Variants in ANO4 observed in about 807,000 individuals in gnomAD.
ANO4 encodes anoctamin 4, also known as anoctamin-4.
Under a neutral mutation model 141.9 loss-of-function variants are expected in ANO4, and 69 were observed. The ratio of observed to expected loss-of-function variants is 0.49; its 90% confidence interval spans 0.40 to 0.59. ANO4 has a LOEUF of 0.59. ANO4 is among the 20% of genes least tolerant of loss of function. The pLI is 0.00. For missense variants in ANO4, 894 were observed against 1,162.2 expected (o/e 0.77, Z 3.36); for synonymous variants, 350 against 394.3 (o/e 0.89, Z 1.33).
In ANO4 at chr12:101,039,987, C is replaced by A; in HGVS notation, c.930C>A (p.Thr310=). Residue 310 remains threonine, a synonymous_variant, in exon 11 of 28, where the codon ACC becomes ACA. Coordinates refer to ENST00000392977, the MANE Select transcript of ANO4 (RefSeq NM_001286615.2). ...ATAGAAGTAAAAACTCCATTCGAAC[C>A]CATGGAGCAGAAAACCACCGACATC... ...GSYRSKNSIR[T]HGAENHRHLL... 1 of 1,555,710 alleles carries A rather than the reference C, an allele frequency of 6.4e-7. No homozygotes were observed. The highest frequency in any genetic ancestry group is 8.7e-7 in the Non-Finnish European group (1 of 1,149,074).
At chr12:100,727,969 A>G (rs1261481280) in intron 1 of ANO4, among the ~76,000 whole-genome samples, 3 of 152,194 alleles carry the variant, frequency 2.0e-5, no homozygotes, top group Non-Finnish European at 2.9e-5. Context: ...TCTAAATTTA[A>G]TATGTTAACC....
rs1396738603 is a variant in ANO4, at chr12:100,739,526, G to A, written c.107-328G>A. Among the ~76,000 whole-genome samples, 23 of 152,078 alleles carry A rather than the reference G, an allele frequency of 1.5e-4. 1 individual carries two copies. The highest frequency in any genetic ancestry group is 1.4e-3 in the Admixed American group (21 of 15,276). On this transcript the variant is annotated intron_variant, in intron 2 of 29. Coordinates refer to the ANO4 transcript ENST00000644049. ...AGTCCCCTTGTACAATTGCTGTGAG[G>A]ATTCTAGATCAGTTCTGCAGTTTCT...
intron 2 of ANO4, among the ~76,000 whole-genome samples, chr12:100,916,500 G>C (rs1246630284): frequency 6.6e-6 from 1 of 152,098 alleles, no homozygotes. Context: ...GGAGATAAAA[G>C]GGGGATACAG....
intron 14 of ANO4, among the ~76,000 whole-genome samples, chr12:101,049,862 C>T (rs549266942): frequency 1.5e-4 from 23 of 152,266 alleles, no homozygotes; most frequent in Non-Finnish European, 1.2e-4. Context: ...CAAGATCAGT[C>T]AAACCACAGG....
intron 1 of ANO4, among the ~76,000 whole-genome samples, chr12:100,890,316 C>T (rs1161393795): frequency 6.6e-6 from 1 of 152,158 alleles, no homozygotes. Context: ...GTCCATCTCT[C>T]TATTGCTTCC....
chr12:100,890,510 T>G (rs887385206), intron 1 of ANO4, among the ~76,000 whole-genome samples: 1 of 152,172 alleles, frequency 6.6e-6, no homozygotes, highest in African/African-American at 2.4e-5. Context: ...GAGAGAAACC[T>G]TATATGGGTA....
exon 1 of ANO4, chr12:100,717,505 CTGGGCAGGACGCGGGCCAGGA>C (rs950178072): frequency 2.0e-4 from 79 of 399,050 alleles, no homozygotes; most frequent in Admixed American, 3.1e-4. Flanking sequence ...CCTGGCCAGT[CTGGGCAGGACGCGGGCCAGGA>C]TGGCCTCCCT....
Position 100,987,545 on chromosome 12 carries a change from T to A in ANO4, c.609T>A (p.Asp203Glu). 1 of 1,613,758 alleles carries A rather than the reference T, an allele frequency of 6.2e-7. No individual in the cohort carries two copies. The highest frequency in any genetic ancestry group is 8.5e-7 in the Non-Finnish European group (1 of 1,179,804). Residue 203 changes from aspartate (D) to glutamate (E), a missense_variant, in exon 8 of 28, where the codon GAT becomes GAA. Coordinates refer to ENST00000392977, the MANE Select transcript of ANO4 (RefSeq NM_001286615.2). ...TGCCTTCCATGTACCACAGGATCGA[T>A]AAACAAATAAGCAGGTTTCGGAGAT... ...PRRYKFMSRI[D>E]KQISRFRRWL...
intron 2 of ANO4, among the ~76,000 whole-genome samples, chr12:100,736,001 C>T (rs1043749781): frequency 1.2e-4 from 19 of 152,048 alleles, no homozygotes; most frequent in Admixed American, 7.2e-4. Context: ...GGGGGAAGCA[C>T]GGTGAGGGTA....
At chr12:100,735,686 G>A (rs1424556883) in intron 2 of ANO4, among the ~76,000 whole-genome samples, 2 of 152,088 alleles carry the variant, frequency 1.3e-5, no homozygotes, top group Non-Finnish European at 1.5e-5. Flanking sequence ...TGGATATGGG[G>A]ATAGTAAGTG....
chr12:100,944,090 G>T (rs1375089911), intron 5 of ANO4, among the ~76,000 whole-genome samples: 1 of 152,124 alleles, frequency 6.6e-6, no homozygotes, highest in African/African-American at 2.4e-5. Flanking sequence ...TACAGGCCTA[G>T]GGCTTCTTCT....
intron 8 of ANO4, among the ~76,000 whole-genome samples, chr12:101,006,323 C>A (rs978000439): frequency 1.3e-4 from 20 of 152,130 alleles, no homozygotes; most frequent in South Asian, 2.1e-4. Context: ...ATCATCATTA[C>A]TGTCAAATAC....
At chr12:100,757,346 C>T (rs375053355) in intron 3 of ANO4, among the ~76,000 whole-genome samples, 3 of 152,168 alleles carry the variant, frequency 2.0e-5, no homozygotes, top group South Asian at 2.1e-4. Flanking sequence ...CTCTCTAAAG[C>T]GCAAATCTGG....
At chr12:100,920,679 A>G (rs1489881386) in intron 2 of ANO4, among the ~76,000 whole-genome samples, 1 of 152,178 alleles carries the variant, frequency 6.6e-6, no homozygotes, top group Non-Finnish European at 1.5e-5. Flanking sequence ...TGAAAAGTTC[A>G]CTGCTGTGGC....
At chr12:100,994,668 TAAGAG>T (rs1380107444) in intron 8 of ANO4, among the ~76,000 whole-genome samples, 13 of 152,170 alleles carry the variant, frequency 8.5e-5, no homozygotes, top group African/African-American at 1.7e-4. Flanking sequence ...TACCAGTTCT[TAAGAG>T]AAGAATATGA....
At chr12:100,924,206 C>G (rs1423364248) in intron 3 of ANO4, among the ~76,000 whole-genome samples, 1 of 152,126 alleles carries the variant, frequency 6.6e-6, no homozygotes, top group East Asian at 1.9e-4. Context: ...GTCATGAAGT[C>G]CTTGCCCATG....
intron 7 of ANO4, among the ~76,000 whole-genome samples, chr12:100,981,451 GAAGGAAGGAAGA>G (rs1165340103): frequency 6.6e-6 from 1 of 151,488 alleles, no homozygotes; most frequent in East Asian, 1.9e-4. Context: ...AGGAAGGAAG[GAAGGAAGGAAGA>G]AAGGAAGGGA....
chr12:100,851,171 A>G (rs1000423952), intron 1 of ANO4, among the ~76,000 whole-genome samples: 2 of 152,144 alleles, frequency 1.3e-5, no homozygotes, highest in African/African-American at 4.8e-5. Flanking sequence ...TCTAATTTAT[A>G]CCTCCATCAT....
intron 7 of ANO4, among the ~76,000 whole-genome samples, chr12:100,978,244 A>G (rs1279142732): frequency 1.3e-5 from 2 of 152,206 alleles, no homozygotes; most frequent in Non-Finnish European, 2.9e-5. Context: ...TGCGTGTATG[A>G]GGATTGGAGT....
Sources: gnomAD v4.1 joint callset for allele counts (sites outside exome capture counted in the v4.1 genomes callset) on GRCh38, gnomAD v4.1.1 for gene constraint, MANE v1.5 for transcripts, NCBI Gene and HGNC (gene_info 2026-07-23, HGNC 2026-07-21) for gene names.